MEGF6: variants seen among roughly 807,000 people sequenced by gnomAD.
MEGF6 encodes multiple epidermal growth factor-like domains protein 6.
In MEGF6, 184 loss-of-function variants were observed where a neutral mutation model predicts 207.1. The observed-to-expected ratio is 0.89, with a 90% CI of 0.79 to 1.00. The LOEUF is 1.00. Ranked by LOEUF, MEGF6 falls within the 50% of genes least tolerant of loss-of-function variation. The pLI, the probability that MEGF6 is intolerant of heterozygous loss-of-function variation, is 0.00. For synonymous variants in MEGF6, 1,038 were observed against 910.0 expected (o/e 1.14, Z -2.53); for missense variants, 2,282 against 2,202.9 (o/e 1.04, Z -0.72).
At chr1:3,568,178 G>A (rs1028236784) in intron 4 of MEGF6, among the ~76,000 whole-genome samples, 9 of 152,192 alleles carry the variant, frequency 5.9e-5, no homozygotes, top group Non-Finnish European at 1.3e-4. Context: ...GGGCCTCTGG[G>A]GTGCAGAGGC....
chr1:3,534,689 C>T (rs1008159876), intron 4 of MEGF6, among the ~76,000 whole-genome samples: 1 of 152,202 alleles, frequency 6.6e-6, no homozygotes, highest in Admixed American at 6.5e-5. Context: ...GTGTCCAGAG[C>T]TGATTCCCAG....
At chr1:3,513,276 A>G (rs1641418458) in intron 7 of MEGF6, among the ~76,000 whole-genome samples, 1 of 151,986 alleles carries the variant, frequency 6.6e-6, no homozygotes, top group East Asian at 1.9e-4. Context: ...CACTGGTGCA[A>G]TCATGGCTCA....
chr1:3,592,012 A>G (rs1453196082), intron 3 of MEGF6, among the ~76,000 whole-genome samples: 1 of 152,160 alleles, frequency 6.6e-6, no homozygotes, highest in Non-Finnish European at 1.5e-5. Context: ...ATCAGCGAAC[A>G]CTTGCTCCAC....
intron 1 of MEGF6, among the ~76,000 whole-genome samples, chr1:3,609,791 C>T (rs1006835675): frequency 3.3e-5 from 5 of 152,222 alleles, no homozygotes; most frequent in African/African-American, 9.6e-5. Context: ...AGTCTGAGTC[C>T]GGCAGCGGGC....
At position 3,578,555 on chromosome 1, in the gene MEGF6, C is replaced by T. The variant is rs540782429; in HGVS notation, c.481+1270G>A. Among the ~76,000 whole-genome samples, 12 of 151,588 alleles carry T rather than the reference C, an allele frequency of 7.9e-5. No individual in the cohort carries two copies. The East Asian group carries it at 9.9e-4, about 13-fold the overall frequency. On this transcript the variant is annotated intron_variant, in intron 4 of 36. Transcript: ENST00000356575. ...GGGCCCTGGGGGGGGGGGGCCCTTT[C>T]GTCCACACGAGACAGACAGATCTCA...
intron 4 of MEGF6, among the ~76,000 whole-genome samples, chr1:3,555,563 G>A (rs911643421): frequency 6.6e-6 from 1 of 152,214 alleles, no homozygotes; most frequent in African/African-American, 2.4e-5. Context: ...TCTGGCCTGC[G>A]GCCCCCATCC....
Position 3,500,551 on chromosome 1 carries a change from G to A in MEGF6, c.2707+82C>T. On this transcript the variant is annotated intron_variant, in intron 21 of 36. Coordinates refer to ENST00000356575, the MANE Select transcript of MEGF6 (RefSeq NM_001409.4). ...GCGTGCAGGAGGGAGTACGGTCAAA[G>A]GCTTTGTGTGTGTGCACGTGTGCAT... The A allele has an allele frequency of 2.7e-6, 4 of 1,467,350 alleles. No homozygotes were observed. In the South Asian group the frequency reaches 4.1e-5, roughly 15 times the overall value. The allele number at this position is 1,467,350 out of a possible 1,614,324, so 90.9% of individuals were successfully genotyped here. A position where few individuals can be genotyped will look rare whatever the true frequency, so the allele number is the denominator to read the frequency against.
intron 4 of MEGF6, among the ~76,000 whole-genome samples, chr1:3,554,374 G>A (rs1017601023): frequency 1.3e-5 from 2 of 152,118 alleles, no homozygotes; most frequent in Admixed American, 1.3e-4. Context: ...ACCCAGCCGG[G>A]CCAGGCGGGA....
chr1:3,503,216 G>A (rs1243288917), intron 17 of MEGF6, among the ~76,000 whole-genome samples: 6 of 152,140 alleles, frequency 3.9e-5, no homozygotes, highest in East Asian at 1.9e-4. Flanking sequence ...ACACAGGCAC[G>A]TCCCTGGGAC....
intron 4 of MEGF6, among the ~76,000 whole-genome samples, chr1:3,536,334 T>C (rs1642327653): frequency 6.6e-6 from 1 of 150,652 alleles, no homozygotes; most frequent in Admixed American, 6.7e-5. Flanking sequence ...AGGACATGGC[T>C]CTGGGGTACG....
At chr1:3,622,345 C>T in the MEGF6 span, among the ~76,000 whole-genome samples, 1 of 152,166 alleles carries the variant, frequency 6.6e-6, no homozygotes, top group Non-Finnish European at 1.5e-5. Flanking sequence ...CCATGTAAGA[C>T]GTGCCTTGCT....
chr1:3,524,397 C>T (rs567304031), intron 4 of MEGF6, 151 bp from the exon 5 acceptor site: 65 of 1,025,174 alleles, frequency 6.3e-5, no homozygotes, highest in African/African-American at 2.2e-4. Flanking sequence ...CTGCCGGAGA[C>T]GCAGCAGAAG....
At position 3,494,459 on chromosome 1, in the gene MEGF6, C is replaced by A. The variant is rs765186511; in HGVS notation, c.4041G>T (p.Glu1347Asp). ...PGRYGAACHL[E>D]CSCHNNSTCE... ...ACGTGCTGTTGTTGTGGCAGGAGCA[C>A]TCCAGATGGCAGGCGGCTCCGTAGC... Residue 1347 changes from glutamate (E) to aspartate (D), a missense_variant, in exon 32 of 37, where the codon GAG becomes GAT. Glu to Asp is a conservative substitution (Grantham distance 45). Coordinates refer to ENST00000356575, the MANE Select transcript of MEGF6 (RefSeq NM_001409.4). The A allele has an allele frequency of 3.2e-6, 5 of 1,576,646 alleles. No homozygotes were observed. The Admixed American group carries it at 5.4e-5, about 17-fold the overall frequency.
intron 4 of MEGF6, among the ~76,000 whole-genome samples, chr1:3,535,436 C>T (rs1162339692): frequency 6.6e-6 from 1 of 151,824 alleles, no homozygotes; most frequent in African/African-American, 2.4e-5. Context: ...GGCTGCCCCT[C>T]TCCAGAAGGC....
intron 3 of MEGF6, among the ~76,000 whole-genome samples, chr1:3,583,285 C>CG (rs1643844740): frequency 3.3e-5 from 5 of 151,404 alleles, no homozygotes; most frequent in Admixed American, 3.3e-4. Flanking sequence ...CACCAGACAA[C>CG]CCACAGCCAC....
chr1:3,505,133 G>A (rs772444136), intron 17 of MEGF6, 75 bp downstream of exon 17: 15 of 1,564,728 alleles, frequency 9.6e-6, no homozygotes, highest in Non-Finnish European at 1.3e-5. Context: ...CCCTTCTGAA[G>A]CCTACCCTCC....
chr1:3,596,258 C>T (rs1209560426), intron 2 of MEGF6, among the ~76,000 whole-genome samples: 1 of 152,012 alleles, frequency 6.6e-6, no homozygotes, highest in African/African-American at 2.4e-5. Context: ...GGTAAGGCCC[C>T]CCAGGAGACG....
intron 21 of MEGF6, 25 bp downstream of exon 21, chr1:3,500,608 A>G: frequency 6.5e-7 from 1 of 1,540,560 alleles, no homozygotes; most frequent in Non-Finnish European, 8.8e-7. Context: ...GGAGGGTGGC[A>G]GCCAAAGGCA....
chr1:3,567,144 C>T (rs1225974516), intron 4 of MEGF6, among the ~76,000 whole-genome samples: 1 of 152,260 alleles, frequency 6.6e-6, no homozygotes, highest in South Asian at 2.1e-4. Context: ...CAACGCCTCA[C>T]CTACCCTGCC....
Sources: gnomAD v4.1 joint callset for allele counts (sites outside exome capture counted in the v4.1 genomes callset) on GRCh38, gnomAD v4.1.1 for gene constraint, MANE v1.5 for transcripts, NCBI Gene and HGNC (gene_info 2026-07-23, HGNC 2026-07-21) for gene names.